ATP8B1: variants seen among roughly 807,000 people sequenced by gnomAD.
The protein encoded by ATP8B1 is ATPase phospholipid transporting 8B1.
A neutral mutation model predicts 149.9 loss-of-function variants in ATP8B1; 80 were observed. The ratio of observed to expected loss-of-function variants is 0.53; its 90% CI spans 0.45 to 0.64. ATP8B1 has a LOEUF of 0.64. ATP8B1 is among the 30% of genes least tolerant of loss of function. The pLI is 0.00. For synonymous variants in ATP8B1, 536 were observed against 562.8 expected, an observed-to-expected ratio of 0.95 and a Z score of 0.67; for missense variants, 1,247 against 1,552.6, an observed-to-expected ratio of 0.80 and a Z score of 3.31.
At chr18:57,764,210 G>A (rs184551694) in intron 1 of ATP8B1, among the ~76,000 whole-genome samples, 29 of 152,236 alleles carry the variant, frequency 1.9e-4, no homozygotes, top group African/African-American at 6.7e-4. Flanking sequence ...GGTCACCTCC[G>A]CCATGACTGT....
intron 1 of ATP8B1, among the ~76,000 whole-genome samples, chr18:57,798,793 A>C (rs954961760): frequency 5.9e-5 from 9 of 151,968 alleles, no homozygotes; most frequent in African/African-American, 2.2e-4. Flanking sequence ...GCAAATGAGC[A>C]CTCTGGTCCT....
At chr18:57,797,788 A>G (rs1599251562) in intron 1 of ATP8B1, among the ~76,000 whole-genome samples, 1 of 144,562 alleles carries the variant, frequency 6.9e-6, no homozygotes, top group South Asian at 2.2e-4. Context: ...GCTCACTACA[A>G]CCTCACCTCC....
intron 1 of ATP8B1, among the ~76,000 whole-genome samples, chr18:57,763,984 A>G (rs1197564898): frequency 6.6e-6 from 1 of 152,190 alleles, no homozygotes; most frequent in African/African-American, 2.4e-5. Context: ...GGGACAGGTA[A>G]AGCTCTGAGA....
In ATP8B1 at chr18:57,689,166, A is replaced by T. The variant is rs78932293; in HGVS notation, c.1221-659T>A. Among the ~76,000 whole-genome samples, 755 of 152,292 alleles carry T rather than the reference A, an allele frequency of 5.0e-3. 5 individuals carry two copies. Among genetic ancestry groups the T allele is most frequent in the African/African-American group, 0.017 (707 of 41,560 alleles). On this transcript the variant is annotated intron_variant, in intron 12 of 27. Transcript: ENST00000648908. ...AATGGAAGACACAGCAACACTGCAG[A>T]CAGAGCAGTGGACACAGCAAGCTTG...
At chr18:57,767,097 G>T (rs1729013541) in intron 1 of ATP8B1, among the ~76,000 whole-genome samples, 1 of 152,148 alleles carries the variant, frequency 6.6e-6, no homozygotes, top group Admixed American at 6.5e-5. Context: ...CTATCAAAAA[G>T]GACGTTGGAA....
chr18:57,738,657 A>G (rs1002967118), intron 1 of ATP8B1, among the ~76,000 whole-genome samples: 10 of 151,918 alleles, frequency 6.6e-5, no homozygotes, highest in Admixed American at 5.3e-4. Flanking sequence ...AAATAAAATA[A>G]AGCCATAAAA....
chr18:57,728,176 T>C (rs1056549219), intron 2 of ATP8B1, among the ~76,000 whole-genome samples: 4 of 152,174 alleles, frequency 2.6e-5, no homozygotes, highest in African/African-American at 9.7e-5. Flanking sequence ...CTTTCTGTGC[T>C]ACAACCCTCA....
intron 3 of ATP8B1, among the ~76,000 whole-genome samples, chr18:57,705,813 G>A (rs1913361002): frequency 6.6e-6 from 1 of 152,076 alleles, no homozygotes; most frequent in Non-Finnish European, 1.5e-5. Context: ...GGAAGCCCTT[G>A]GCATTAAAAC....
At chr18:57,721,858 C>T (rs1385623004) in intron 2 of ATP8B1, among the ~76,000 whole-genome samples, 3 of 94,802 alleles carry the variant, frequency 3.2e-5, no homozygotes, top group East Asian at 2.8e-4. Flanking sequence ...TAAAGCTCTC[C>T]TCAGCAAATG....
intron 22 of ATP8B1, among the ~76,000 whole-genome samples, chr18:57,658,621 A>G (rs531739570): frequency 1.7e-4 from 22 of 131,686 alleles, no homozygotes; most frequent in Middle Eastern, 3.8e-3. Context: ...ATGACCAACA[A>G]TTTCTTTGTG....
At chr18:57,772,928 C>A (rs1052047596) in intron 1 of ATP8B1, among the ~76,000 whole-genome samples, 2 of 152,132 alleles carry the variant, frequency 1.3e-5, no homozygotes, top group African/African-American at 4.8e-5. Flanking sequence ...ACAACATGAA[C>A]TGTTTTAATC....
intron 2 of ATP8B1, among the ~76,000 whole-genome samples, chr18:57,726,239 AC>A (rs113862726): frequency 7.4e-6 from 1 of 135,120 alleles, no homozygotes; most frequent in Admixed American, 7.5e-5. Context: ...ACAAAAACAA[AC>A]AACAACAACA....
chr18:57,705,319 G>A (rs1913335404), intron 3 of ATP8B1, among the ~76,000 whole-genome samples: 1 of 152,216 alleles, frequency 6.6e-6, no homozygotes, highest in Non-Finnish European at 1.5e-5. Flanking sequence ...TTTTATTTAA[G>A]TGAGGAGACA....
At chr18:57,778,744 ATGGGGCAGC>A (rs909042769) in intron 1 of ATP8B1, among the ~76,000 whole-genome samples, 10 of 152,082 alleles carry the variant, frequency 6.6e-5, no homozygotes, top group Non-Finnish European at 1.5e-4. Context: ...ATGTCTCTCC[ATGGGGCAGC>A]TGGCTTCTCT....
At chr18:57,706,943 G>A (rs935733927) in intron 2 of ATP8B1, among the ~76,000 whole-genome samples, 1 of 152,216 alleles carries the variant, frequency 6.6e-6, no homozygotes, top group East Asian at 1.9e-4. Flanking sequence ...ACATCTTGAT[G>A]CCTCGAGGAA....
intron 2 of ATP8B1, among the ~76,000 whole-genome samples, chr18:57,723,894 A>G (rs959821105): frequency 6.7e-6 from 1 of 149,662 alleles, no homozygotes; most frequent in African/African-American, 2.5e-5. Context: ...ACTGGTACCA[A>G]AACAGAAATA....
chr18:57,708,821 A>T (rs1913548958), intron 2 of ATP8B1, among the ~76,000 whole-genome samples: 1 of 152,168 alleles, frequency 6.6e-6, no homozygotes. Flanking sequence ...AATTTGCTTC[A>T]TAATTAAGCC....
chr18:57,774,151 T>C (rs1203087373), intron 1 of ATP8B1, among the ~76,000 whole-genome samples: 3 of 152,220 alleles, frequency 2.0e-5, no homozygotes, highest in Admixed American at 6.5e-5. Flanking sequence ...TCTTCCCCCG[T>C]AGCCACAAGG....
rs771140525 is a variant in ATP8B1 at position 57,648,556 on chromosome 18, T to G, written c.3688A>C (p.Lys1230Gln). The change falls in exon 28 of 28, where the codon AAG (lysine) becomes CAG (glutamine). Residue 1230 changes from lysine (K) to glutamine (Q), a missense_variant. By Grantham distance (53) the Lys-to-Gln change is moderately conservative. Around this residue, in one of 3 missense-constraint regions of ATP8B1, gnomAD observed 164 missense variants for 160.3 expected, o/e 1.02. Coordinates refer to ENST00000648908, the MANE Select transcript of ATP8B1 (RefSeq NM_001374385.1). The stretch of plus-strand genomic sequence containing the variant: ...ACGATGGCATCAAGCGGCGAGCGCT[T>G]CTTGCGGATGCTGCGCCCGGAGGAG... ...LISSGRSIRK[K>Q]RSPLDAIVAD... The G allele has an allele frequency of 1.2e-6, 2 of 1,611,550 alleles. No homozygotes were observed. Among genetic ancestry groups the G allele is most frequent in the Non-Finnish European group, 1.7e-6 (2 of 1,179,956 alleles).
Sources: gnomAD v4.1 joint callset for allele counts (sites outside exome capture counted in the v4.1 genomes callset) on GRCh38, gnomAD v4.1.1 for gene constraint, gnomAD v4.1.1 regional missense constraint, MANE v1.5 for transcripts, NCBI Gene and HGNC (gene_info 2026-07-23, HGNC 2026-07-21) for gene names.